Variants in URI1 observed in about 807,000 individuals in gnomAD.
The protein encoded by URI1 is unconventional prefoldin RPB5 interactor 1.
URI1 carries 39 observed loss-of-function variants against 60.2 expected under a neutral mutation model. That is an observed-to-expected ratio of 0.65 (90% CI 0.50 to 0.85). URI1 has a LOEUF of 0.85. URI1 is among the 40% of genes least tolerant of loss of function. The probability of loss-of-function intolerance (pLI) is 0.00; values close to 1 mark genes in which losing one functional copy is unlikely to be tolerated. For synonymous variants in URI1, 251 were observed against 236.8 expected, an observed-to-expected ratio of 1.06 and a Z score of -0.55; for missense variants, 691 against 665.9, an observed-to-expected ratio of 1.04 and a Z score of -0.42.
intron 1 of URI1, among the ~76,000 whole-genome samples, chr19:29,954,334 G>C (rs2055216132): frequency 6.6e-6 from 1 of 151,776 alleles, no homozygotes; most frequent in Non-Finnish European, 1.5e-5. Flanking sequence ...GTTATACCTT[G>C]GATTTTTATT....
chr19:29,992,829 G>T (rs2055763679), intron 4 of URI1, among the ~76,000 whole-genome samples: 1 of 152,110 alleles, frequency 6.6e-6, no homozygotes, highest in Non-Finnish European at 1.5e-5. Flanking sequence ...GCATGTCTCT[G>T]TAATCTACTT....
chr19:29,943,874 C>T (rs1377306484), intron 1 of URI1, among the ~76,000 whole-genome samples: 2 of 151,874 alleles, frequency 1.3e-5, no homozygotes, highest in African/African-American at 4.8e-5. Flanking sequence ...TGACTCAAAC[C>T]TGTAATCCCA....
At position 30,015,185 on chromosome 19, in the gene URI1, G is replaced by A. The variant is rs987082411; in HGVS notation, c.*116G>A. On this transcript the variant is annotated 3_prime_UTR_variant, in exon 11 of 11. Coordinates refer to ENST00000392271, the MANE Select transcript of URI1 (RefSeq NM_003796.3). The stretch of plus-strand genomic sequence containing the variant: ...AAATAAGGTATCCTGAGTTACTTTG[G>A]CAACAAGTTCTTTTACCCTTACCCG... The A allele has an allele frequency of 2.8e-6, 4 of 1,451,746 alleles. No individual in the cohort carries two copies. In the African/African-American group the frequency reaches 5.7e-5, roughly 21 times the overall value. 89.9% of individuals were successfully genotyped at this position (1,451,746 alleles called of 1,614,324 possible).
intron 9 of URI1, 47 bp downstream of exon 9, chr19:30,011,283 CTT>C (rs757234707): frequency 6.5e-7 from 1 of 1,544,348 alleles, no homozygotes; most frequent in Non-Finnish European, 8.7e-7. Context: ...GCTTGCCTCT[CTT>C]TCTGCCACTG....
chr19:30,012,358 AGT>A lies in URI1; in HGVS notation c.1259_1260del (p.Cys420Ter). ...SILKSRSRENSVCSDTSESSA... is the reference protein window; with the variant it reads ...SILKSRSRENXVCSDTSESSA... ...CCTGAAGTCTCGAAGTAGAGAGAAT[AGT>A]GTGTGTAGCGACACTAGTGAAAGCA... On this transcript the variant is annotated frameshift_variant, in exon 10 of 11. Coordinates refer to ENST00000392271, the MANE Select transcript of URI1 (RefSeq NM_003796.3). LOFTEE classifies it high-confidence loss of function. The A allele has an allele frequency of 6.2e-7, 1 of 1,614,214 alleles. No individual in the cohort carries two copies. The highest frequency in any genetic ancestry group is 8.5e-7 in the Non-Finnish European group (1 of 1,180,026).
intron 1 of URI1, among the ~76,000 whole-genome samples, chr19:29,944,185 A>ATATATATATG (rs1555736104): frequency 3.6e-4 from 36 of 100,714 alleles, no homozygotes; most frequent in Non-Finnish European, 5.4e-4. Flanking sequence ...ATATATATAT[A>ATATATATATG]TATATATAAA....
At chr19:29,991,089 C>T (rs1163484171) in intron 4 of URI1, among the ~76,000 whole-genome samples, 1 of 152,062 alleles carries the variant, frequency 6.6e-6, no homozygotes, top group African/African-American at 2.4e-5. Flanking sequence ...GGCTGTTCTA[C>T]CTCCTTTGCC....
chr19:29,941,492 G>A (rs2055023236), upstream of URI1, among the ~76,000 whole-genome samples: 2 of 151,974 alleles, frequency 1.3e-5, no homozygotes, highest in South Asian at 2.1e-4. Flanking sequence ...GTGTTGGTGC[G>A]GGCCAGTGGT....
chr19:29,981,697 G>C (rs748539601), intron 2 of URI1, among the ~76,000 whole-genome samples: 17 of 152,124 alleles, frequency 1.1e-4, no homozygotes, highest in Non-Finnish European at 1.6e-4. Context: ...GATCCATTAT[G>C]TTGAAGCCAA....
At chr19:30,012,110 A>G (rs956495671) in intron 9 of URI1, among the ~76,000 whole-genome samples, 175 bp from the exon 10 acceptor site, 1 of 152,242 alleles carries the variant, frequency 6.6e-6, no homozygotes, top group South Asian at 2.1e-4. Flanking sequence ...TCAAAATAGT[A>G]TGAAGATACC....
Position 30,015,053 on chromosome 19 carries a change from T to G in URI1, c.1592T>G (p.Leu531Trp), listed in dbSNP as rs185999361. The change falls in exon 11 of 11, where the codon TTG becomes TGG. Residue 531 changes from leucine (L) to tryptophan (W), a missense_variant. Transcript: ENST00000392271. The part of the protein sequence containing the change: ...KRVSKFKAAR[L>W]QQKD ...GTTTCAAAGTTTAAAGCTGCCAGAT[T>G]GCAACAGAAAGACTAGGCCCTGTCT... The G allele has an allele frequency of 9.5e-5, 153 of 1,613,416 alleles. No homozygotes were observed. Among genetic ancestry groups the G allele is most frequent in the Admixed American group, 3.5e-4 (21 of 59,922 alleles).
chr19:29,990,797 TG>T (rs1240714334), intron 4 of URI1, among the ~76,000 whole-genome samples: 1 of 152,214 alleles, frequency 6.6e-6, no homozygotes, highest in Non-Finnish European at 1.5e-5. Context: ...ATTTTGGTAA[TG>T]GTTGCACAAC....
At chr19:29,973,577 A>G (rs182027158) in intron 2 of URI1, among the ~76,000 whole-genome samples, 2 of 152,276 alleles carry the variant, frequency 1.3e-5, no homozygotes, top group East Asian at 1.9e-4. Context: ...AGGAACAAGT[A>G]TATGTATTCT....
intron 9 of URI1, among the ~76,000 whole-genome samples, chr19:30,011,918 A>C (rs909341669): frequency 6.0e-5 from 9 of 149,866 alleles, no homozygotes. Flanking sequence ...GGAGGGGGGA[A>C]GGATAGCATT....
rs897402353 is a variant in URI1, at chr19:30,015,477, A to G, written c.*408A>G. On this transcript the variant is annotated 3_prime_UTR_variant, in exon 11 of 11. Coordinates refer to ENST00000392271, the MANE Select transcript of URI1 (RefSeq NM_003796.3). ...TTTAAAATTTCAAATAGATTCAACAATTACATTACTTGCTTTCACATTTTA... is the reference window on the plus strand; with the variant it reads ...TTTAAAATTTCAAATAGATTCAACAGTTACATTACTTGCTTTCACATTTTA... The G allele has an allele frequency of 1.8e-5, 28 of 1,523,102 alleles. No individual in the cohort carries two copies. The highest frequency in any genetic ancestry group is 8.4e-5 in the Admixed American group (4 of 47,410). The allele number at this position is 1,523,102 out of a possible 1,614,324, so 94.3% of individuals were successfully genotyped here. A position where few individuals can be genotyped will look rare whatever the true frequency, so the allele number is the denominator to read the frequency against.
chr19:29,934,297 C>A lies in URI1; in HGVS notation c.63+10543C>A, dbSNP rs555329610. Among the ~76,000 whole-genome samples, 3 of 152,170 alleles carry A rather than the reference C, an allele frequency of 2.0e-5. No homozygotes were observed. The South Asian group carries it at 6.2e-4, about 32-fold the overall frequency. ...CTCTTCTTTTTCTAGTTACCTAAGC[C>A]ACATAGTTAGGTTATTGATATGTTA... On this transcript the variant is annotated intron_variant, in intron 1 of 10. Coordinates refer to the URI1 transcript ENST00000360605.
chr19:29,978,968 G>A (rs2055559074), intron 2 of URI1, among the ~76,000 whole-genome samples: 2 of 152,130 alleles, frequency 1.3e-5, no homozygotes, highest in African/African-American at 4.8e-5. Context: ...TAAAATATGA[G>A]TTCTTTTCTC....
intron 1 of URI1, among the ~76,000 whole-genome samples, chr19:29,949,793 C>T (rs2055155908): frequency 6.6e-6 from 1 of 152,132 alleles, no homozygotes; most frequent in South Asian, 2.1e-4. Context: ...GCCTGCAATC[C>T]CAGGCACTCT....
At chr19:29,976,907 T>A (rs896432115) in intron 2 of URI1, among the ~76,000 whole-genome samples, 6 of 152,224 alleles carry the variant, frequency 3.9e-5, no homozygotes, top group Non-Finnish European at 8.8e-5. Context: ...ACTTTAAATT[T>A]AGACATAAAA....
Sources: gnomAD v4.1 joint callset for allele counts (sites outside exome capture counted in the v4.1 genomes callset) on GRCh38, gnomAD v4.1.1 for gene constraint, MANE v1.5 for transcripts, NCBI Gene and HGNC (gene_info 2026-07-23, HGNC 2026-07-21) for gene names.